The following ULK2 variants were observed in gnomAD, a reference collection of about 807,000 sequenced individuals.
The protein encoded by ULK2 is unc-51 like autophagy activating kinase 2.
A neutral mutation model predicts 127.5 loss-of-function variants in ULK2; 76 were observed. The observed-to-expected ratio is 0.60, with a 90% confidence interval of 0.50 to 0.72. ULK2 has a LOEUF of 0.72. ULK2 is among the 30% of genes least tolerant of loss of function. ULK2 has a pLI of 0.00. For missense variants in ULK2, 1,144 were observed against 1,295.9 expected, an observed-to-expected ratio of 0.88 and a Z score of 1.80; for synonymous variants, 452 against 461.9, an observed-to-expected ratio of 0.98 and a Z score of 0.28.
At position 19,795,432 on chromosome 17, in the gene ULK2, A is replaced by C. The variant is rs191410977; in HGVS notation, c.2101+190T>G. On this transcript the variant is annotated intron_variant, in intron 20 of 26. Coordinates refer to ENST00000395544, the MANE Select transcript of ULK2 (RefSeq NM_014683.4). Reference sequence around the variant, plus strand: ...AGGCTGCTGCTCATCAAGATACTGAATAAGGTCCTATTCTGAATGGGCTAC... The same window carrying C: ...AGGCTGCTGCTCATCAAGATACTGACTAAGGTCCTATTCTGAATGGGCTAC... Among the ~76,000 whole-genome samples the C allele has an allele frequency of 9.3e-5, 14 of 151,252 alleles. No individual in the cohort carries two copies. The East Asian group carries it at 2.3e-3, about 25-fold the overall frequency.
intron 22 of ULK2, among the ~76,000 whole-genome samples, chr17:19,783,411 C>G (rs1273858093): frequency 6.6e-6 from 1 of 151,932 alleles, no homozygotes; most frequent in African/African-American, 2.4e-5. Flanking sequence ...GAGATTGCAC[C>G]ACTGCACTCC....
rs960366604 is a variant in ULK2 at position 19,774,033 on chromosome 17, G to T, written c.*2316C>A. 7.0e-6 allele frequency: 1 copy of T among 143,772 alleles called. No homozygotes were observed. The highest frequency in any genetic ancestry group is 2.0e-4 in the East Asian group (1 of 4,964). 8.9% of individuals were successfully genotyped at this position (143,772 alleles called of 1,614,324 possible). On this transcript the variant is annotated 3_prime_UTR_variant, in exon 27 of 27. Coordinates refer to ENST00000395544, the MANE Select transcript of ULK2 (RefSeq NM_014683.4). ...AGGGTATAGTTAAAGCAAACCCTTA[G>T]AGCAGGAATAGCTGGTCAGCAATTT...
chr17:19,848,720 T>G (rs899740282), intron 5 of ULK2, among the ~76,000 whole-genome samples: 2 of 151,484 alleles, frequency 1.3e-5, no homozygotes, highest in Admixed American at 1.3e-4. Flanking sequence ...GAGGTTGCAG[T>G]GAGCCAAGAA....
chr17:19,809,313 G>A (rs1337520972), intron 14 of ULK2, among the ~76,000 whole-genome samples: 1 of 152,108 alleles, frequency 6.6e-6, no homozygotes, highest in African/African-American at 2.4e-5. Flanking sequence ...TGAGTATAAA[G>A]TTTCAGATTT....
At chr17:19,852,154 G>C (rs1297048320) in intron 3 of ULK2, among the ~76,000 whole-genome samples, 1 of 151,844 alleles carries the variant, frequency 6.6e-6, no homozygotes, top group Non-Finnish European at 1.5e-5. Flanking sequence ...GAACCCAGGA[G>C]GCGGAATTTG....
At chr17:19,816,415 C>A (rs563729407) in intron 13 of ULK2, 1 of 164,672 alleles carries the variant, frequency 6.1e-6, no homozygotes, top group Non-Finnish European at 1.3e-5. Flanking sequence ...TCTTTTGACT[C>A]AGGTTTTTTC....
intron 16 of ULK2, 31 bp downstream of exon 16, chr17:19,801,745 GT>G (rs1270877920): frequency 1.3e-5 from 21 of 1,607,284 alleles, no homozygotes; most frequent in Non-Finnish European, 1.8e-5. Flanking sequence ...TGAAAAAAAG[GT>G]TGAAAACAAC....
In ULK2 at chr17:19,795,082, A is replaced by G. The variant is rs897266481; in HGVS notation, c.2101+540T>C. 3.3e-5 allele frequency among the ~76,000 whole-genome samples: 5 copies of G among 151,090 alleles called. No homozygotes were observed. In the East Asian group the frequency reaches 5.8e-4, roughly 18 times the overall value. On this transcript the variant is annotated intron_variant, in intron 20 of 26. Coordinates refer to ENST00000395544, the MANE Select transcript of ULK2 (RefSeq NM_014683.4). ...CGACTGAGCGAGACTTCATCTCCCA[A>G]AAAAAAAACCCAGAAAATTTAAGCA...
chr17:19,866,734 G>A (rs753220956), intron 1 of ULK2, among the ~76,000 whole-genome samples: 6 of 152,104 alleles, frequency 3.9e-5, no homozygotes, highest in Non-Finnish European at 7.4e-5. Flanking sequence ...AGGCTTAAAG[G>A]TGATTTCATG....
intron 13 of ULK2, among the ~76,000 whole-genome samples, chr17:19,815,051 C>T (rs2040951537): frequency 1.3e-5 from 2 of 152,092 alleles, no homozygotes; most frequent in African/African-American, 4.8e-5. Context: ...GGGCATCATG[C>T]TGGCACTCTA....
intron 3 of ULK2, among the ~76,000 whole-genome samples, chr17:19,851,406 G>T (rs1189270204): frequency 2.6e-5 from 4 of 151,010 alleles, no homozygotes; most frequent in Non-Finnish European, 5.9e-5. Flanking sequence ...GGGAGGCCAA[G>T]GTGGGCAGAT....
Position 19,825,134 on chromosome 17 carries a change from G to A in ULK2, c.884C>T (p.Ser295Phe). ...PMYSGSVSGS[S>F]CGSSPSCRFA... ...ACGACAAGATGGAGAGCTGCCACAG[G>A]AGCTTCCAGAGACAGAACCAGAATA... The change falls in exon 12 of 27, where the codon TCC becomes TTC. Residue 295 changes from serine (S) to phenylalanine (F), a missense_variant. Coordinates refer to ENST00000395544, the MANE Select transcript of ULK2 (RefSeq NM_014683.4). 3 of 1,614,194 alleles carry A rather than the reference G, an allele frequency of 1.9e-6. No individual in the cohort carries two copies. Among genetic ancestry groups the A allele is most frequent in the Admixed American group, 1.7e-5 (1 of 60,010 alleles).
chr17:19,850,999 G>A (rs542094334), intron 3 of ULK2, among the ~76,000 whole-genome samples: 14 of 151,600 alleles, frequency 9.2e-5, no homozygotes, highest in South Asian at 8.3e-4. Context: ...GGCAACACAC[G>A]GAGAATTCAT....
chr17:19,804,237 A>AG (rs2087463750), intron 15 of ULK2, among the ~76,000 whole-genome samples: 1 of 3,112 alleles, frequency 3.2e-4, no homozygotes, highest in Non-Finnish European at 9.3e-3. Flanking sequence ...AAAGAAAAAG[A>AG]AAAAAAAAAA....
At chr17:19,845,009 T>G (rs1375824651) in intron 7 of ULK2, among the ~76,000 whole-genome samples, 2 of 152,222 alleles carry the variant, frequency 1.3e-5, no homozygotes, top group Non-Finnish European at 2.9e-5. Context: ...TTATACATTA[T>G]GTACAGCATG....
chr17:19,777,453 T>C, intron 26 of ULK2, 128 bp downstream of exon 26: 3 of 1,052,350 alleles, frequency 2.9e-6, no homozygotes, highest in Non-Finnish European at 1.3e-6. Flanking sequence ...AAGGCTGTGA[T>C]TTGCACAAGG....
intron 13 of ULK2, among the ~76,000 whole-genome samples, chr17:19,813,824 C>T (rs765163449): frequency 2.0e-3 from 306 of 152,268 alleles, no homozygotes; most frequent in Non-Finnish European, 3.5e-3. Context: ...GAGAAATACA[C>T]ATTCATAATT....
Position 19,777,661 on chromosome 17 carries a change from C to A in ULK2, c.2972G>T (p.Arg991Leu). ...MFQQTEDIVY[R>L]YHKAALLLEG... is the part of the protein sequence containing the mutation. ...CAAAAGAAGGGCTGCCTTATGATAG[C>A]GATAAACAATATCTTCGGTCTGCTG... Residue 991 changes from arginine to leucine, a missense_variant, in exon 26 of 27, where the codon CGC becomes CTC. Arg to Leu is a moderately radical substitution (Grantham distance 102). Coordinates refer to ENST00000395544, the MANE Select transcript of ULK2 (RefSeq NM_014683.4). The A allele has an allele frequency of 6.2e-7, 1 of 1,614,056 alleles. No homozygotes were observed. Among genetic ancestry groups the A allele is most frequent in the Non-Finnish European group, 8.5e-7 (1 of 1,180,008 alleles).
At chr17:19,849,339 T>C in intron 5 of ULK2, 30 bp downstream of exon 5, 1 of 1,600,774 alleles carries the variant, frequency 6.2e-7, no homozygotes, top group Non-Finnish European at 8.5e-7. Flanking sequence ...GCACTGTCTT[T>C]ACTGAACACT....
Sources: allele counts gnomAD v4.1 joint callset (sites outside exome capture counted in the v4.1 genomes callset), GRCh38; gene constraint gnomAD v4.1.1; transcripts MANE v1.5; gene names NCBI Gene and HGNC (gene_info 2026-07-23, HGNC 2026-07-21).